The following PDE1C variants were observed in gnomAD, a reference collection of about 807,000 sequenced individuals.
PDE1C encodes dual specificity calcium/calmodulin-dependent 3',5'-cyclic nucleotide phosphodiesterase 1C.
A neutral mutation model predicts 93.1 loss-of-function variants in PDE1C; 62 were observed. The observed-to-expected ratio is 0.67, with a 90% CI of 0.54 to 0.82. The LOEUF (loss-of-function observed/expected upper bound fraction) is 0.82. Ranked by LOEUF, PDE1C falls within the 40% of genes least tolerant of loss-of-function variation. The probability of loss-of-function intolerance (pLI) is 0.00; values close to 1 mark genes in which losing one functional copy is unlikely to be tolerated. For missense variants in PDE1C, 742 were observed against 884.6 expected (o/e 0.84, Z 2.04); for synonymous variants, 325 against 310.1 (o/e 1.05, Z -0.50).
the PDE1C span, among the ~76,000 whole-genome samples, chr7:31,640,213 A>AATAGGAG: frequency 6.6e-6 from 1 of 152,170 alleles, no homozygotes; most frequent in Non-Finnish European, 1.5e-5. Flanking sequence ...TGTCCTGTGA[A>AATAGGAG]ATAGGAGGTT....
chr7:32,160,322 G>A (rs1801837058), intron 3 of PDE1C, among the ~76,000 whole-genome samples: 1 of 152,176 alleles, frequency 6.6e-6, no homozygotes, highest in South Asian at 2.1e-4. Context: ...TTAAAGTGGG[G>A]GCTCCAGAGG....
In PDE1C at chr7:31,850,714, C is replaced by A. The variant is rs775633137; in HGVS notation, c.778G>T (p.Ala260Ser). ...ANWLTELEIF[A>S]IIFSAAIHDY... The stretch of plus-strand genomic sequence containing the variant: ...TGGATGGCAGCTGAGAAGATTATAG[C>A]AAAGATCTCCAGCTCCGTCAGCCAG... The change falls in exon 8 of 18, where the codon GCT (alanine) becomes TCT (serine). Residue 260 changes from alanine to serine, a missense_variant. Transcript: ENST00000396191. The A allele has an allele frequency of 1.3e-5, 21 of 1,612,918 alleles. No individual in the cohort carries two copies. The East Asian group carries it at 3.6e-4, about 27-fold the overall frequency.
the PDE1C span, among the ~76,000 whole-genome samples, chr7:31,713,868 G>A: frequency 1.3e-5 from 2 of 152,264 alleles, no homozygotes; most frequent in East Asian, 1.9e-4. Flanking sequence ...TCCCTAGACT[G>A]CACACAGCAG....
the PDE1C span, among the ~76,000 whole-genome samples, chr7:31,745,218 T>G: frequency 6.6e-6 from 1 of 152,220 alleles, no homozygotes. Flanking sequence ...AGACTATTTC[T>G]AAGCCTGGTG....
At chr7:31,695,283 T>A in the PDE1C span, among the ~76,000 whole-genome samples, 3 of 152,206 alleles carry the variant, frequency 2.0e-5, no homozygotes, top group Non-Finnish European at 1.5e-5. Flanking sequence ...TTTTCGATTT[T>A]GTTATATGAA....
chr7:31,773,622 A>C (rs1272512513), intron 17 of PDE1C, among the ~76,000 whole-genome samples: 1 of 152,048 alleles, frequency 6.6e-6, no homozygotes, highest in Non-Finnish European at 1.5e-5. Context: ...TCACTACTCA[A>C]AAGCAAGTCT....
At chr7:32,427,953 G>A (rs1442957437) in exon 1 of PDE1C, 2 of 152,344 alleles carry the variant, frequency 1.3e-5, no homozygotes, top group Non-Finnish European at 2.9e-5. Flanking sequence ...TGCCTCACAG[G>A]CTACGGGAGG....
intron 1 of PDE1C, among the ~76,000 whole-genome samples, chr7:32,236,566 A>C (rs963156680): frequency 6.6e-6 from 1 of 152,226 alleles, no homozygotes; most frequent in East Asian, 1.9e-4. Flanking sequence ...AAACATCATT[A>C]TCTATTAAGG....
chr7:31,965,555 C>G (rs1395478198), intron 2 of PDE1C, among the ~76,000 whole-genome samples: 5 of 152,298 alleles, frequency 3.3e-5, no homozygotes, highest in Admixed American at 1.3e-4. Context: ...TCCAGGAGAA[C>G]TTCCCCAATC....
chr7:31,890,277 T>C (rs1798465272), intron 2 of PDE1C, among the ~76,000 whole-genome samples: 1 of 152,248 alleles, frequency 6.6e-6, no homozygotes, highest in Non-Finnish European at 1.5e-5. Flanking sequence ...CAGCTATTCA[T>C]GTGGAAAGAA....
At chr7:32,389,216 TTG>T (rs1784706833) in intron 1 of PDE1C, among the ~76,000 whole-genome samples, 1 of 138,420 alleles carries the variant, frequency 7.2e-6, no homozygotes, top group African/African-American at 2.7e-5. Context: ...GTTTGTTTGT[TTG>T]TTTGTTTGTT....
intron 1 of PDE1C, among the ~76,000 whole-genome samples, chr7:32,311,509 A>G (rs1156563826): frequency 2.0e-5 from 3 of 152,182 alleles, no homozygotes; most frequent in African/African-American, 7.2e-5. Flanking sequence ...TCCTCAATAA[A>G]ACACTGGCAA....
intron 2 of PDE1C, among the ~76,000 whole-genome samples, chr7:31,913,888 A>G (rs564064939): frequency 6.6e-6 from 1 of 152,268 alleles, no homozygotes; most frequent in Admixed American, 6.5e-5. Context: ...GAACTTGCAC[A>G]GTCCACTTCA....
chr7:31,946,876 C>A (rs1367008101), intron 2 of PDE1C, among the ~76,000 whole-genome samples: 2 of 152,168 alleles, frequency 1.3e-5, no homozygotes, highest in Non-Finnish European at 2.9e-5. Context: ...TGCTATTTGG[C>A]ATGTCCTATC....
chr7:32,141,645 T>C (rs1054977647), intron 3 of PDE1C, among the ~76,000 whole-genome samples: 2 of 152,194 alleles, frequency 1.3e-5, no homozygotes, highest in African/African-American at 4.8e-5. Context: ...ACTGAGACAC[T>C]GTCACAGACC....
At chr7:32,089,670 G>A (rs1029976809) in intron 3 of PDE1C, among the ~76,000 whole-genome samples, 6 of 152,130 alleles carry the variant, frequency 3.9e-5, no homozygotes, top group African/African-American at 1.4e-4. Context: ...AATGGTTCCC[G>A]AGACCTCAGG....
chr7:31,658,072 G>T, the PDE1C span, among the ~76,000 whole-genome samples: 1 of 152,146 alleles, frequency 6.6e-6, no homozygotes, highest in South Asian at 2.1e-4. Context: ...TCTTTTCCTT[G>T]ATTTCGTTAT....
intron 9 of PDE1C, among the ~76,000 whole-genome samples, chr7:31,847,416 ATT>A (rs1792775009): frequency 6.6e-6 from 1 of 152,142 alleles, no homozygotes; most frequent in African/African-American, 2.4e-5. Flanking sequence ...GTGTCCAATA[ATT>A]TCCTTAGAAA....
chr7:32,136,492 C>A (rs1800219147), intron 3 of PDE1C, among the ~76,000 whole-genome samples: 1 of 152,062 alleles, frequency 6.6e-6, no homozygotes, highest in Admixed American at 6.6e-5. Flanking sequence ...TAACCCTAAA[C>A]TAATCATTTA....
Sources: gnomAD v4.1 joint callset for allele counts (sites outside exome capture counted in the v4.1 genomes callset) on GRCh38, gnomAD v4.1.1 for gene constraint, MANE v1.5 for transcripts, NCBI Gene and HGNC (gene_info 2026-07-23, HGNC 2026-07-21) for gene names.